The following TMEM255B variants were observed in gnomAD, a reference collection of about 807,000 sequenced individuals.
The protein encoded by TMEM255B is family with sequence similarity 70, member B.
In TMEM255B, 35 loss-of-function variants were observed where a neutral mutation model predicts 34.5. The ratio of observed to expected loss-of-function variants is 1.01; its 90% confidence interval spans 0.77 to 1.34. The LOEUF is 1.34. Ranked by LOEUF, TMEM255B falls within the 40% of genes most tolerant of loss-of-function variation. The pLI is 0.00. For synonymous variants in TMEM255B, 206 were observed against 201.2 expected (o/e 1.02, Z -0.20); for missense variants, 432 against 433.2 (o/e 1.00, Z 0.02).
chr13:113,799,378 T>C lies in TMEM255B; in HGVS notation c.382T>C (p.Ser128Pro), dbSNP rs1025820279. Reference sequence around the variant, plus strand: ...CACCACGGGAAGATGCCAGTTTTACTCCAGTGGGGTGGGGTACTTGTACGA... The same window carrying C: ...CACCACGGGAAGATGCCAGTTTTACCCCAGTGGGGTGGGGTACTTGTACGA... ...PLTTGRCQFY[S>P]SGVGYLYDVY... The change falls in exon 5 of 9, where the codon TCC becomes CCC. Residue 128 changes from serine (S) to proline (P), a missense_variant. Coordinates refer to ENST00000375353, the MANE Select transcript of TMEM255B (RefSeq NM_182614.4). The C allele has an allele frequency of 6.2e-7, 1 of 1,614,188 alleles. No individual in the cohort carries two copies. Among genetic ancestry groups the C allele is most frequent in the Non-Finnish European group, 8.5e-7 (1 of 1,180,028 alleles).
intron 3 of TMEM255B, among the ~76,000 whole-genome samples, chr13:113,777,904 A>G (rs1365494507): frequency 1.3e-5 from 2 of 152,220 alleles, no homozygotes; most frequent in East Asian, 3.9e-4. Flanking sequence ...ATTGCTAACA[A>G]TAACCAATCC....
chr13:113,811,590 G>A, intron 8 of TMEM255B, 146 bp from the exon 9 acceptor site: 1 of 894,222 alleles, frequency 1.1e-6, no homozygotes, highest in East Asian at 2.7e-5. Flanking sequence ...GGGGGCCCAT[G>A]TGAATGGCCC....
rs2051326234 is a variant in TMEM255B at position 113,812,213 on chromosome 13, G to C, written c.*310G>C. 2 of 411,968 alleles carry C rather than the reference G, an allele frequency of 4.9e-6. No individual in the cohort carries two copies. Among genetic ancestry groups the C allele is most frequent in the South Asian group, 7.4e-5 (2 of 26,934 alleles). 25.5% of individuals were successfully genotyped at this position (411,968 alleles called of 1,614,324 possible). A position where few individuals can be genotyped will look rare whatever the true frequency, so the allele number is the denominator to read the frequency against. On this transcript the variant is annotated 3_prime_UTR_variant, in exon 9 of 9. Coordinates refer to ENST00000375353, the MANE Select transcript of TMEM255B (RefSeq NM_182614.4). ...TGTTTTCACATCCCTTAATTAATTA[G>C]CTATTATTATGATTTTGCAAAGACA...
chr13:113,768,179 G>A (rs896801915), intron 2 of TMEM255B: 1 of 470,214 alleles, frequency 2.1e-6, no homozygotes. Context: ...CGACCGGCCC[G>A]GCGCACCTGC....
rs1461569837 is a variant in TMEM255B at position 113,769,865 on chromosome 13, TC to T, written c.252+706del. ...TTAGAGGGGAGGTGGTTGGGCCATT[TC>T]TGCCTCATCTCCCAGTTGTTGCTTC... On this transcript the variant is annotated intron_variant, in intron 3 of 8. Coordinates refer to ENST00000375353, the MANE Select transcript of TMEM255B (RefSeq NM_182614.4). This position sits in a 1 kb window ranked among gnomAD's most constrained non-coding sequence, Gnocchi z 4.2. The T allele has an allele frequency of 6.6e-6, 1 of 152,466 alleles. No individual in the cohort carries two copies. The highest frequency in any genetic ancestry group is 6.5e-5 in the Admixed American group (1 of 15,298). The allele number at this position is 152,466 out of a possible 1,614,324, so 9.4% of individuals were successfully genotyped here.
intron 1 of TMEM255B, 141 bp from the exon 2 acceptor site, chr13:113,765,974 T>C (rs2050380872): frequency 1.0e-6 from 1 of 1,000,538 alleles, no homozygotes; most frequent in Non-Finnish European, 1.5e-6. Flanking sequence ...TTGGGGGTGG[T>C]CCCCTGAGGT....
intron 7 of TMEM255B, 26 bp from the exon 8 acceptor site, chr13:113,804,859 G>A (rs764111235): frequency 2.9e-5 from 46 of 1,581,350 alleles, no homozygotes; most frequent in East Asian, 4.5e-5. Flanking sequence ...GGTACACGCC[G>A]ACCACCCGTC....
intron 7 of TMEM255B, among the ~76,000 whole-genome samples, chr13:113,802,069 A>G (rs1345629735): frequency 2.0e-5 from 3 of 152,218 alleles, no homozygotes; most frequent in Non-Finnish European, 4.4e-5. Context: ...CGTCCCCAAG[A>G]AACAATGTTC....
Position 113,766,228 on chromosome 13 carries a change from A to G in TMEM255B, c.160A>G (p.Thr54Ala), listed in dbSNP as rs749573212. The G allele has an allele frequency of 2.5e-6, 4 of 1,614,086 alleles. No individual in the cohort carries two copies. Among genetic ancestry groups the G allele is most frequent in the Admixed American group, 3.3e-5 (2 of 60,028 alleles). ...LAATTRTENVTVGGYYPGIIL... is the reference protein window; with the variant it reads ...LAATTRTENVAVGGYYPGIIL... ...TGCCACCACCAGGACGGAGAATGTG[A>G]CCGTTGGGGGCTACTACCCAGGGAT... The change falls in exon 2 of 9, where the codon ACC becomes GCC. Residue 54 changes from threonine (T) to alanine (A), a missense_variant. Physicochemically the swap from Thr to Ala is moderately conservative, Grantham distance 58. Transcript: ENST00000375353.
At chr13:113,778,673 GGTGA>G in intron 3 of TMEM255B, among the ~76,000 whole-genome samples, 1 of 151,982 alleles carries the variant, frequency 6.6e-6, no homozygotes, top group Non-Finnish European at 1.5e-5. Context: ...TCTTCTCCTG[GGTGA>G]GTCTCGATTT....
At position 113,775,078 on chromosome 13, in the gene TMEM255B, C is replaced by T. The variant is rs1435562037; in HGVS notation, c.252+5918C>T. Among the ~76,000 whole-genome samples, 3 of 151,232 alleles carry T rather than the reference C, an allele frequency of 2.0e-5. No homozygotes were observed. In the East Asian group the frequency reaches 5.8e-4, roughly 29 times the overall value. On this transcript the variant is annotated intron_variant, in intron 3 of 8. Coordinates refer to ENST00000375353, the MANE Select transcript of TMEM255B (RefSeq NM_182614.4). ...CACACCACACACCACACACTCCACA[C>T]ACACCACATACACCACACACAGCAC...
At chr13:113,764,374 C>T (rs922340706) in intron 1 of TMEM255B, among the ~76,000 whole-genome samples, 2 of 152,176 alleles carry the variant, frequency 1.3e-5, no homozygotes, top group South Asian at 2.1e-4. Context: ...GCAGGGACCC[C>T]GAACCCCAGG....
intron 1 of TMEM255B, among the ~76,000 whole-genome samples, chr13:113,763,918 G>A (rs551613264): frequency 6.6e-6 from 1 of 152,374 alleles, no homozygotes; most frequent in Non-Finnish European, 1.5e-5. Flanking sequence ...GGAAGCCTGA[G>A]GCTGAGAAGC....
rs1423913418 is a variant in TMEM255B, at chr13:113,766,173, G to A, written c.105G>A (p.Val35=). Reference sequence around the variant, plus strand: ...GGTTTGTGGGGTCTCTGCTGCTGGTGTCCGTCCTCATAGTCACCGTCGGGC... The same window carrying A: ...GGTTTGTGGGGTCTCTGCTGCTGGTATCCGTCCTCATAGTCACCGTCGGGC... ...SLWFVGSLLL[V]SVLIVTVGLA... is the part of the protein sequence containing the mutation. The change falls in exon 2 of 9, where the codon GTG becomes GTA. Residue 35 remains valine, a synonymous_variant. Coordinates refer to ENST00000375353, the MANE Select transcript of TMEM255B (RefSeq NM_182614.4). 2 of 1,614,236 alleles carry A rather than the reference G, an allele frequency of 1.2e-6. No homozygotes were observed. Among genetic ancestry groups the A allele is most frequent in the Admixed American group, 1.7e-5 (1 of 60,028 alleles).
chr13:113,807,425 T>C lies in TMEM255B; in HGVS notation c.813+2397T>C, dbSNP rs866079280. On this transcript the variant is annotated intron_variant, in intron 8 of 8. Transcript: ENST00000375353. ...ACGTGGGCTTACGGGATGTGGGGGG[T>C]GGTCCTCCCCGTCACACGCAGGCTT... Among the ~76,000 whole-genome samples, 1,012 of 103,620 alleles carry C rather than the reference T, an allele frequency of 9.8e-3. 9 individuals are homozygous for C. The highest frequency in any genetic ancestry group is 0.021 in the East Asian group (64 of 3,106). 68.0% of individuals were successfully genotyped at this position (103,620 alleles called of 152,430 possible). A position where few individuals can be genotyped will look rare whatever the true frequency, so the allele number is the denominator to read the frequency against.
intron 1 of TMEM255B, among the ~76,000 whole-genome samples, chr13:113,761,506 G>A (rs575240058): frequency 1.3e-5 from 2 of 152,262 alleles, no homozygotes; most frequent in African/African-American, 4.8e-5. Flanking sequence ...CTGCACCTGG[G>A]GAAGACTAGA....
intron 3 of TMEM255B, among the ~76,000 whole-genome samples, chr13:113,786,325 C>T (rs1291682703): frequency 2.0e-5 from 3 of 152,058 alleles, no homozygotes; most frequent in African/African-American, 7.2e-5. Context: ...CCACTGTCAT[C>T]ACCATCCCCA....
At chr13:113,804,286 G>A (rs576000364) in intron 7 of TMEM255B, among the ~76,000 whole-genome samples, 1 of 152,288 alleles carries the variant, frequency 6.6e-6, no homozygotes, top group South Asian at 2.1e-4. Context: ...GGAGACTTTG[G>A]TTTTGTTCGC....
intron 2 of TMEM255B, chr13:113,768,759 C>T (rs909580965): frequency 2.5e-5 from 11 of 442,532 alleles, no homozygotes; most frequent in African/African-American, 4.0e-5. Context: ...CTGGAGAAGA[C>T]GGGACAGATG....
Sources: allele counts gnomAD v4.1 joint callset (sites outside exome capture counted in the v4.1 genomes callset), GRCh38; gene constraint gnomAD v4.1.1; non-coding constraint Gnocchi (gnomAD v3.1); transcripts MANE v1.5; gene names NCBI Gene and HGNC (gene_info 2026-07-23, HGNC 2026-07-21).